Variants in ATP2B4 observed in about 807,000 individuals in gnomAD.
ATP2B4 encodes plasma membrane calcium-transporting ATPase 4.
A neutral mutation model predicts 110.3 loss-of-function variants in ATP2B4; 39 were observed. That is an observed-to-expected ratio of 0.35 (90% CI 0.27 to 0.46). The LOEUF (loss-of-function observed/expected upper bound fraction) is 0.46, where lower values mean the gene tolerates loss of function less well. Among genes scored for constraint, ATP2B4 ranks in the 20% least tolerant of loss-of-function variants. The probability of loss-of-function intolerance (pLI) is 1.00; values close to 1 mark genes in which losing one functional copy is unlikely to be tolerated. For synonymous variants in ATP2B4, 538 were observed against 571.7 expected (o/e 0.94, Z 0.84); for missense variants, 1,135 against 1,530.9 (o/e 0.74, Z 4.32).
In ATP2B4 at chr1:203,739,748, G is replaced by A. The variant is rs1666958711; in HGVS notation, c.3512G>A (p.Gly1171Asp). 3.7e-6 allele frequency: 6 copies of A among 1,614,166 alleles called. No homozygotes were observed. The highest frequency in any genetic ancestry group is 5.1e-6 in the Non-Finnish European group (6 of 1,180,036). ...GGGACTAGGGTGCTCCTGTTGGATG[G>A]TGAGGTCACTCCATATGCCAATACA... ...KFGTRVLLLD[G>D]EVTPYANTNN... Residue 1171 changes from glycine (G) to aspartate (D), a missense_variant, in exon 21 of 21, where the codon GGT becomes GAT. Physicochemically the swap from Gly to Asp is moderately conservative, Grantham distance 94. Coordinates refer to ENST00000357681, the MANE Select transcript of ATP2B4 (RefSeq NM_001684.5).
rs905325449 is a variant in ATP2B4, at chr1:203,683,471, T to C, written c.193+73T>C. On this transcript the variant is annotated intron_variant, in intron 2 of 20. Transcript: ENST00000357681. ...TTCAAAATATTGTTTTCCCAGCTTCTAGAGAAGGCACATTTCTGGAGGCCC... is the reference window on the plus strand; with the variant it reads ...TTCAAAATATTGTTTTCCCAGCTTCCAGAGAAGGCACATTTCTGGAGGCCC... 4.1e-6 allele frequency: 6 copies of C among 1,449,638 alleles called. No homozygotes were observed. The African/African-American group carries it at 5.6e-5, about 14-fold the overall frequency. The allele number at this position is 1,449,638 out of a possible 1,614,324, so 89.8% of individuals were successfully genotyped here.
At chr1:203,653,541 GA>G (rs1169110565) in intron 1 of ATP2B4, among the ~76,000 whole-genome samples, 1 of 152,194 alleles carries the variant, frequency 6.6e-6, no homozygotes, top group Non-Finnish European at 1.5e-5. Context: ...AAGTTTCAAA[GA>G]ACAGGCTGAC....
At chr1:203,668,440 T>C (rs1200515961) in intron 1 of ATP2B4, among the ~76,000 whole-genome samples, 1 of 152,226 alleles carries the variant, frequency 6.6e-6, no homozygotes, top group Non-Finnish European at 1.5e-5. Context: ...ATAGTTACTA[T>C]AACTGACTTT....
At chr1:203,682,404 G>GA (rs1553247193) in intron 1 of ATP2B4, among the ~76,000 whole-genome samples, 1 of 152,150 alleles carries the variant, frequency 6.6e-6, no homozygotes, top group Non-Finnish European at 1.5e-5. Context: ...AATAGACAGG[G>GA]AAAACATTAG....
chr1:203,657,054 T>G (rs1558018750), intron 1 of ATP2B4: 2 of 808,458 alleles, frequency 2.5e-6, no homozygotes, highest in South Asian at 2.9e-5. Context: ...CTTTGCCTCC[T>G]TGTGTCACAA....
At position 203,739,819 on chromosome 1, in the gene ATP2B4, G is replaced by A. The variant is rs1334120316; in HGVS notation, c.3583G>A (p.Asp1195Asn). The A allele has an allele frequency of 6.2e-6, 10 of 1,614,026 alleles. No individual in the cohort carries two copies. Among genetic ancestry groups the A allele is most frequent in the Admixed American group, 3.3e-5 (2 of 60,022 alleles). ...DCNQVQLPQS[D>N]SSLQSLETSV is the part of the protein sequence containing the mutation. ...CAACCAAGTGCAGCTCCCCCAGTCGGACAGCTCTCTACAGAGCCTAGAGAC... is the reference window on the plus strand; with the variant it reads ...CAACCAAGTGCAGCTCCCCCAGTCGAACAGCTCTCTACAGAGCCTAGAGAC... The change falls in exon 21 of 21, where the codon GAC becomes AAC. Residue 1195 changes from aspartate to asparagine, a missense_variant. Coordinates refer to ENST00000357681, the MANE Select transcript of ATP2B4 (RefSeq NM_001684.5).
In ATP2B4 at chr1:203,740,535, A is replaced by G. The variant is rs879247143; in HGVS notation, c.*681A>G. 3 of 151,582 alleles carry G rather than the reference A, an allele frequency of 2.0e-5. No individual in the cohort carries two copies. The highest frequency in any genetic ancestry group is 4.4e-5 in the Non-Finnish European group (3 of 67,974). 9.4% of individuals were successfully genotyped at this position (151,582 alleles called of 1,614,324 possible). A position where few individuals can be genotyped will look rare whatever the true frequency, so the allele number is the denominator to read the frequency against. Reference sequence around the variant, plus strand: ...TCCTTCTCCCTTTTGGCCCAAAAGAACCCTTGATTTAGTTCCAGAATCCAA... The same window carrying G: ...TCCTTCTCCCTTTTGGCCCAAAAGAGCCCTTGATTTAGTTCCAGAATCCAA... On this transcript the variant is annotated 3_prime_UTR_variant, in exon 21 of 21. Coordinates refer to ENST00000357681, the MANE Select transcript of ATP2B4 (RefSeq NM_001684.5).
chr1:203,687,442 T>C (rs953244997), intron 2 of ATP2B4, among the ~76,000 whole-genome samples: 2 of 152,142 alleles, frequency 1.3e-5, no homozygotes, highest in African/African-American at 4.8e-5. Context: ...AGCCTGTTCA[T>C]GGAAGGCCAC....
intron 1 of ATP2B4, among the ~76,000 whole-genome samples, chr1:203,660,164 A>C (rs1219644983): frequency 6.6e-6 from 1 of 152,032 alleles, no homozygotes; most frequent in Non-Finnish European, 1.5e-5. Context: ...CAAGTATTTG[A>C]AATTCAACCC....
At chr1:203,721,610 G>A (rs1666334547) in intron 17 of ATP2B4, among the ~76,000 whole-genome samples, 200 bp downstream of exon 17, 1 of 148,722 alleles carries the variant, frequency 6.7e-6, no homozygotes, top group South Asian at 2.2e-4. Flanking sequence ...TGTACTGTGT[G>A]TACTCAAGAA....
intron 1 of ATP2B4, among the ~76,000 whole-genome samples, chr1:203,652,869 C>T (rs1261413324): frequency 6.6e-6 from 1 of 152,132 alleles, no homozygotes; most frequent in African/African-American, 2.4e-5. Flanking sequence ...CCCTAAGACA[C>T]AACAATATTG....
At chr1:203,668,675 CT>C (rs1449662121) in intron 1 of ATP2B4, among the ~76,000 whole-genome samples, 1 of 152,222 alleles carries the variant, frequency 6.6e-6, no homozygotes, top group African/African-American at 2.4e-5. Context: ...CAGATGGGTC[CT>C]GGGTTGGTGC....
intron 15 of ATP2B4, among the ~76,000 whole-genome samples, chr1:203,715,167 C>T (rs12078003): frequency 0.16 from 23,709 of 150,458 alleles, 1,949 homozygotes; most frequent in South Asian, 0.25. Context: ...CCCAGCTACT[C>T]GGGAGGCTGA....
At chr1:203,732,148 C>T (rs1047941252) in intron 20 of ATP2B4, among the ~76,000 whole-genome samples, 19 of 145,286 alleles carry the variant, frequency 1.3e-4, no homozygotes, top group African/African-American at 4.6e-4. Flanking sequence ...TGCACTCCAG[C>T]CTGGGTGTCA....
In ATP2B4 at chr1:203,709,285, A is replaced by G. The variant is rs369642745; in HGVS notation, c.1558-16A>G. 34 of 1,613,928 alleles carry G rather than the reference A, an allele frequency of 2.1e-5. No homozygotes were observed. Among genetic ancestry groups the G allele is most frequent in the Non-Finnish European group, 2.8e-5 (33 of 1,179,992 alleles). On this transcript the variant is annotated splice_polypyrimidine_tract_variant and intron_variant, in intron 10 of 20. Transcript: ENST00000357681. ...GGCATCTTACTCAATAGTGCTGTGT[A>G]TATTTCTTCTCCCAGCCTCCAGAGA... is the stretch of plus-strand genomic sequence containing the variant.
rs759493812 is a variant in ATP2B4 at position 203,723,966 on chromosome 1, T to C, written c.3110T>C (p.Ile1037Thr). 1.2e-5 allele frequency: 19 copies of C among 1,611,260 alleles called. No homozygotes were observed. In the East Asian group the frequency reaches 3.4e-4, roughly 28 times the overall value. The change falls in exon 19 of 21, where the codon ATT (isoleucine) becomes ACT (threonine). Residue 1037 changes from isoleucine (I) to threonine (T), a missense_variant. Transcript: ENST00000357681. ...SQWLWCLFIG[I>T]GELLWGQFIS... ...TGGCTGTGGTGTCTCTTCATTGGGA[T>C]TGGAGAACTTCTGTGGGGCCAGGTG...
At chr1:203,686,696 T>TTTC (rs1665198807) in intron 2 of ATP2B4, among the ~76,000 whole-genome samples, 1 of 132,910 alleles carries the variant, frequency 7.5e-6, no homozygotes, top group Non-Finnish European at 1.6e-5. Flanking sequence ...TTTTTTTTTT[T>TTTC]TTTTTTTTTT....
chr1:203,729,664 C>T, intron 20 of ATP2B4: 1 of 1,216,936 alleles, frequency 8.2e-7, no homozygotes, highest in Non-Finnish European at 1.1e-6. Context: ...GCTGTGGCTG[C>T]CTCACCTATC....
chr1:203,662,713 G>A (rs1364205161), intron 1 of ATP2B4, among the ~76,000 whole-genome samples: 2 of 152,104 alleles, frequency 1.3e-5, no homozygotes, highest in African/African-American at 4.8e-5. Flanking sequence ...TCTGCCCATG[G>A]AGGCCCTCCT....
Sources: gnomAD v4.1 joint callset for allele counts (sites outside exome capture counted in the v4.1 genomes callset) on GRCh38, gnomAD v4.1.1 for gene constraint, MANE v1.5 for transcripts, NCBI Gene and HGNC (gene_info 2026-07-23, HGNC 2026-07-21) for gene names.